The following DDX20 variants were observed in gnomAD, a reference collection of about 807,000 sequenced individuals.
The protein encoded by DDX20 is probable ATP-dependent RNA helicase DDX20.
In DDX20, 61 loss-of-function variants were observed where a neutral mutation model predicts 76.4. That is an observed-to-expected ratio of 0.80 (90% CI 0.65 to 0.99). The LOEUF is 0.99. Among genes scored for constraint, DDX20 ranks in the 50% least tolerant of loss-of-function variants. The pLI, the probability that DDX20 is intolerant of heterozygous loss-of-function variation, is 0.00. For synonymous variants in DDX20, 357 were observed against 357.4 expected (o/e 1.00, Z 0.01); for missense variants, 976 against 996.8 (o/e 0.98, Z 0.28).
At chr1:111,764,583 C>CT (rs1003697264) in intron 10 of DDX20, among the ~76,000 whole-genome samples, 1 of 152,102 alleles carries the variant, frequency 6.6e-6, no homozygotes, top group African/African-American at 2.4e-5. Context: ...TCAGTTCTTT[C>CT]TGTGTATAAG....
intron 7 of DDX20, 121 bp from the exon 8 acceptor site, chr1:111,762,134 A>T: frequency 1.5e-6 from 1 of 673,376 alleles, no homozygotes; most frequent in Non-Finnish European, 2.5e-6. Context: ...GGACAGAATT[A>T]ACTGTGGTTG....
At chr1:111,765,695 T>G (rs781624336) in intron 10 of DDX20, 42 bp from the exon 11 acceptor site, 1 of 1,498,016 alleles carries the variant, frequency 6.7e-7, no homozygotes, top group Non-Finnish European at 9.0e-7. Context: ...TGGTCTAGAG[T>G]AGCTTGAGAA....
chr1:111,756,019 C>T lies in DDX20; in HGVS notation c.95C>T (p.Pro32Leu). 6.2e-7 allele frequency: 1 copy of T among 1,609,240 alleles called. No homozygotes were observed. Among genetic ancestry groups the T allele is most frequent in the Non-Finnish European group, 8.5e-7 (1 of 1,178,046 alleles). The change falls in exon 1 of 11, where the codon CCA becomes CTA. Residue 32 changes from proline (P) to leucine (L), a missense_variant. Pro to Leu is a moderately conservative substitution (Grantham distance 98). Around this residue, in one of 3 missense-constraint regions of DDX20, gnomAD observed 343 missense variants for 286.4 expected, o/e 1.20. Coordinates refer to ENST00000369702, the MANE Select transcript of DDX20 (RefSeq NM_007204.5). ...HVAVQVPAPE[P>L]TPGPVRILRT... ...GCCGTGCAGGTCCCGGCCCCAGAGC[C>T]AACACCCGGGCCTGTGAGGATCCTG...
At position 111,762,728 on chromosome 1, in the gene DDX20, G is replaced by C; in HGVS notation, c.1156G>C (p.Val386Leu). ...GGTGAATCTGGTTGTAAATCTGGAT[G>C]TACCATTGGATTGGGAGACATACAT... ...EKVNLVVNLD[V>L]PLDWETYMHR... is the part of the protein sequence containing the mutation. Residue 386 changes from valine to leucine, a missense_variant, in exon 9 of 11, where the codon GTA becomes CTA. By Grantham distance (32) the Val-to-Leu change is conservative. This residue lies in a region of DDX20 where 630 missense variants were observed against 693.7 expected (regional missense o/e 0.91). Transcript: ENST00000369702. The C allele has an allele frequency of 6.2e-7, 1 of 1,613,498 alleles. No homozygotes were observed. The highest frequency in any genetic ancestry group is 1.1e-5 in the South Asian group (1 of 91,056).
chr1:111,763,062 TA>T, intron 10 of DDX20, 55 bp downstream of exon 10: 5 of 1,356,804 alleles, frequency 3.7e-6, no homozygotes, highest in South Asian at 3.7e-5. Context: ...ATAAGCATAA[TA>T]AAAATGATAA....
Position 111,765,886 on chromosome 1 carries a change from G to A in DDX20, c.1462G>A (p.Ala488Thr), listed in dbSNP as rs1337047478. The A allele has an allele frequency of 3.7e-6, 6 of 1,614,136 alleles. No individual in the cohort carries two copies. The highest frequency in any genetic ancestry group is 1.1e-5 in the South Asian group (1 of 91,074). The change falls in exon 11 of 11, where the codon GCT (alanine) becomes ACT (threonine). Residue 488 changes from alanine (A) to threonine (T), a missense_variant. Transcript: ENST00000369702. ...AGAGAGAACCCTTCAAATTCAGAAA[G>A]CTCATGGTGACCACATGGCTTCCTC... ...KIERTLQIQK[A>T]HGDHMASSRN...
intron 2 of DDX20, among the ~76,000 whole-genome samples, chr1:111,757,980 G>A (rs1206471273): frequency 6.6e-6 from 1 of 151,886 alleles, no homozygotes; most frequent in Non-Finnish European, 1.5e-5. Flanking sequence ...TCAGCCTCCC[G>A]AGTAGCTGGG....
In DDX20 at chr1:111,756,153, C is replaced by T; in HGVS notation, c.229C>T (p.Leu77=). 1 of 1,560,376 alleles carries T rather than the reference C, an allele frequency of 6.4e-7. No individual in the cohort carries two copies. Among genetic ancestry groups the T allele is most frequent in the Non-Finnish European group, 8.6e-7 (1 of 1,161,162 alleles). The change falls in exon 1 of 11, where the codon CTG becomes TTG. Residue 77 remains leucine (L), a synonymous_variant. Transcript: ENST00000369702. ...GCTTTCGCGGCCGGTGCTGGAGGGG[C>T]TGCGGGCGGCCGGCTTCGAGAGGCC... ...LLLSRPVLEG[L]RAAGFERPSP... is the part of the protein sequence containing the mutation.
intron 2 of DDX20, among the ~76,000 whole-genome samples, chr1:111,758,084 C>T (rs969326452): frequency 1.3e-5 from 2 of 150,250 alleles, no homozygotes; most frequent in South Asian, 2.1e-4. Context: ...TCTCAAACTC[C>T]TGACCTCAGG....
intron 8 of DDX20, 123 bp downstream of exon 8, chr1:111,762,460 C>T (rs953553314): frequency 2.5e-5 from 22 of 881,590 alleles, no homozygotes; most frequent in Non-Finnish European, 3.5e-5. Flanking sequence ...AGATAATTAT[C>T]TTTCCAGTGC....
rs1234406938 is a variant in DDX20, at chr1:111,761,346, G to A, written c.1021+62G>A. On this transcript the variant is annotated intron_variant, in intron 7 of 10. Transcript: ENST00000369702. Reference sequence around the variant, plus strand: ...ACTGACTTGAAGCCTCCAAAGTCAGGAGGAAAAAATACCACTTTATGAGTT... The same window carrying A: ...ACTGACTTGAAGCCTCCAAAGTCAGAAGGAAAAAATACCACTTTATGAGTT... 4 of 1,415,820 alleles carry A rather than the reference G, an allele frequency of 2.8e-6. No homozygotes were observed. In the Admixed American group the frequency reaches 6.0e-5, roughly 21 times the overall value. 87.7% of individuals were successfully genotyped at this position (1,415,820 alleles called of 1,614,324 possible).
Position 111,761,664 on chromosome 1 carries a change from T to C in DDX20, c.1021+380T>C, listed in dbSNP as rs146840245. 294 of 158,548 alleles carry C rather than the reference T, an allele frequency of 1.9e-3. 1 individual carries two copies. Among genetic ancestry groups the C allele is most frequent in the Non-Finnish European group, 3.4e-3 (250 of 72,572 alleles). 9.8% of individuals were successfully genotyped at this position (158,548 alleles called of 1,614,324 possible). Reference sequence around the variant, plus strand: ...AAAATGCTGGAGATTGCTAACTGAATTGACTGTTTTATGGTTTTGTGGAAG... The same window carrying C: ...AAAATGCTGGAGATTGCTAACTGAACTGACTGTTTTATGGTTTTGTGGAAG... On this transcript the variant is annotated intron_variant, in intron 7 of 10. Transcript: ENST00000369702.
At chr1:111,765,550 TAGGC>T (rs1479971202) in intron 10 of DDX20, among the ~76,000 whole-genome samples, 183 bp from the exon 11 acceptor site, 3 of 152,192 alleles carry the variant, frequency 2.0e-5, no homozygotes, top group Non-Finnish European at 2.9e-5. Context: ...ACATATTTCT[TAGGC>T]AGGTTTCTTT....
In DDX20 at chr1:111,756,727, A is replaced by T. The variant is rs1226478819; in HGVS notation, c.383A>T (p.Asn128Ile). 3 of 1,613,986 alleles carry T rather than the reference A, an allele frequency of 1.9e-6. No individual in the cohort carries two copies. In the Admixed American group the frequency reaches 5.0e-5, roughly 27 times the overall value. ...GCTTTGGACTCTCTTGTTCTTGAAA[A>T]CTTAAGTACCCAGGTGAGTTAGCTG... ...TIALDSLVLE[N>I]LSTQILILAP... The change falls in exon 2 of 11, where the codon AAC (asparagine) becomes ATC (isoleucine). Residue 128 changes from asparagine (N) to isoleucine (I), a missense_variant. Asn to Ile is a moderately radical substitution (Grantham distance 149). Around this residue, in one of 3 missense-constraint regions of DDX20, gnomAD observed 343 missense variants for 286.4 expected, o/e 1.20. Coordinates refer to ENST00000369702, the MANE Select transcript of DDX20 (RefSeq NM_007204.5).
intron 10 of DDX20, among the ~76,000 whole-genome samples, chr1:111,763,469 G>A (rs1663716697): frequency 6.6e-6 from 1 of 152,056 alleles, no homozygotes; most frequent in South Asian, 2.1e-4. Context: ...CTACTTGGGA[G>A]GCTGAGGCAG....
chr1:111,759,438 G>A lies in DDX20; in HGVS notation c.435G>A (p.Gln145=). The A allele has an allele frequency of 6.2e-7, 1 of 1,613,212 alleles. No homozygotes were observed. The highest frequency in any genetic ancestry group is 8.5e-7 in the Non-Finnish European group (1 of 1,179,682). Residue 145 remains glutamine, a synonymous_variant, in exon 3 of 11, where the codon CAG becomes CAA. Coordinates refer to ENST00000369702, the MANE Select transcript of DDX20 (RefSeq NM_007204.5). ...ILAPTREIAV[Q]IHSVITAIGI... ...CTCCTACAAGAGAAATTGCTGTACA[G>A]ATACATTCTGTTATTACAGCCATTG...
At position 111,765,991 on chromosome 1, in the gene DDX20, G is replaced by C; in HGVS notation, c.1567G>C (p.Glu523Gln). 4 of 1,614,102 alleles carry C rather than the reference G, an allele frequency of 2.5e-6. No homozygotes were observed. The highest frequency in any genetic ancestry group is 8.5e-7 in the Non-Finnish European group (1 of 1,180,008). Residue 523 changes from glutamate to glutamine, a missense_variant, in exon 11 of 11, where the codon GAA becomes CAA. Coordinates refer to ENST00000369702, the MANE Select transcript of DDX20 (RefSeq NM_007204.5). ...KQKLPVKSHS[E>Q]CGIIEKATSP... The stretch of plus-strand genomic sequence containing the variant: ...AAAGCTTCCTGTGAAAAGCCACTCA[G>C]AATGTGGAATCATAGAAAAAGCAAC...
At chr1:111,760,169 T>G (rs1048688495) in intron 3 of DDX20, among the ~76,000 whole-genome samples, 6 of 152,164 alleles carry the variant, frequency 3.9e-5, no homozygotes, top group Non-Finnish European at 8.8e-5. Flanking sequence ...GGATTATTCT[T>G]TGGCTTCTCT....
chr1:111,760,822 T>C lies in DDX20; in HGVS notation c.797T>C (p.Leu266Pro). The C allele has an allele frequency of 6.2e-7, 1 of 1,612,982 alleles. No homozygotes were observed. Among genetic ancestry groups the C allele is most frequent in the Non-Finnish European group, 8.5e-7 (1 of 1,179,696 alleles). Residue 266 changes from leucine to proline, a missense_variant, in exon 5 of 11, where the codon CTG (leucine) becomes CCG (proline). Physicochemically the swap from Leu to Pro is moderately conservative, Grantham distance 98. This residue lies in a region of DDX20 where 630 missense variants were observed against 693.7 expected (regional missense o/e 0.91). Coordinates refer to ENST00000369702, the MANE Select transcript of DDX20 (RefSeq NM_007204.5). ...KYMRDPTFVR[L>P]NSSDPSLIGL... is the part of the protein sequence containing the mutation. ...ATGAGAGATCCCACTTTTGTAAGAC[T>C]GAATTCCAGTGATCCAAGTCTCATA...
Sources: gnomAD v4.1 joint callset for allele counts (sites outside exome capture counted in the v4.1 genomes callset) on GRCh38, gnomAD v4.1.1 for gene constraint, gnomAD v4.1.1 regional missense constraint, MANE v1.5 for transcripts, NCBI Gene and HGNC (gene_info 2026-07-23, HGNC 2026-07-21) for gene names.